CSMD2: variants seen among roughly 807,000 people sequenced by gnomAD.
CSMD2 encodes the protein CUB and Sushi multiple domains 2.
A neutral mutation model predicts 398.5 loss-of-function variants in CSMD2; 130 were observed. The ratio of observed to expected loss-of-function variants is 0.33; its 90% CI spans 0.28 to 0.38. The LOEUF is 0.38. Among genes scored for constraint, CSMD2 ranks in the 10% least tolerant of loss-of-function variants. CSMD2 has a pLI of 1.00. For missense variants in CSMD2, 3,829 were observed against 4,764.9 expected, an observed-to-expected ratio of 0.80 and a Z score of 5.78; for synonymous variants, 1,828 against 1,908.5, an observed-to-expected ratio of 0.96 and a Z score of 1.10.
rs1641254521 is a variant in CSMD2 at position 33,614,504 on chromosome 1, C to T, written c.6133G>A (p.Gly2045Arg). 6.4e-7 allele frequency: 1 copy of T among 1,574,226 alleles called. No individual in the cohort carries two copies. Among genetic ancestry groups the T allele is most frequent in the Non-Finnish European group, 8.7e-7 (1 of 1,143,664 alleles). ...TCCTCTGGGGGCTGCAGAGACTTAC[C>T]AAAGCCCACGGGCAGTGCTATTTTC... ...SWKIALPVGFGAHIQFLNFST... is the reference protein window; with the variant it reads ...SWKIALPVGFRAHIQFLNFST... Residue 2045 changes from glycine (G) to arginine (R), a missense_variant and splice_region_variant, in exon 40 of 71, where the codon GGA becomes AGA. Transcript: ENST00000373381.
chr1:33,718,231 A>G (rs1272582427), intron 19 of CSMD2, among the ~76,000 whole-genome samples: 1 of 152,230 alleles, frequency 6.6e-6, no homozygotes, highest in Non-Finnish European at 1.5e-5. Flanking sequence ...GAGAGCAGGT[A>G]GTTAAGAACA....
chr1:33,787,716 T>C (rs1653703982), intron 12 of CSMD2, among the ~76,000 whole-genome samples: 1 of 152,156 alleles, frequency 6.6e-6, no homozygotes, highest in South Asian at 2.1e-4. Context: ...AACTTGTGGA[T>C]GGCTTCTCCT....
intron 12 of CSMD2, among the ~76,000 whole-genome samples, chr1:33,780,416 C>T (rs143154382): frequency 5.2e-4 from 79 of 152,292 alleles, no homozygotes; most frequent in African/African-American, 1.8e-3. Flanking sequence ...TTTTTCTGCA[C>T]ACGATTGCCA....
rs1658391284 is a variant in CSMD2, at chr1:33,559,939, A to G, written c.8381-466T>C. 6.6e-6 allele frequency among the ~76,000 whole-genome samples: 1 copy of G among 152,222 alleles called. No homozygotes were observed. ...AGTTCAGTCACTCTGCTAGATCAAT[A>G]GCCCAGGTAAACTGGGGAAGCAGAG... On this transcript the variant is annotated intron_variant, in intron 53 of 70. Transcript: ENST00000373381. This position sits in a 1 kb window ranked among gnomAD's most constrained non-coding sequence, Gnocchi z 4.0.
At chr1:33,610,087 C>T (rs1268494840) in intron 41 of CSMD2, among the ~76,000 whole-genome samples, 1 of 152,166 alleles carries the variant, frequency 6.6e-6, no homozygotes, top group East Asian at 1.9e-4. Flanking sequence ...AATCTGCTGG[C>T]ACTGTGATCT....
intron 10 of CSMD2, among the ~76,000 whole-genome samples, chr1:33,807,508 G>A (rs1471788837): frequency 6.6e-6 from 1 of 152,092 alleles, no homozygotes; most frequent in East Asian, 1.9e-4. Flanking sequence ...CCAAAGAGAA[G>A]GACTGATATA....
chr1:33,798,668 C>T (rs1222097435), intron 10 of CSMD2, among the ~76,000 whole-genome samples: 1 of 152,176 alleles, frequency 6.6e-6, no homozygotes, highest in South Asian at 2.1e-4. Context: ...AGCTATAATT[C>T]AGTGTGAAGG....
chr1:33,678,210 A>G (rs999431781), intron 25 of CSMD2, among the ~76,000 whole-genome samples: 4 of 151,770 alleles, frequency 2.6e-5, no homozygotes, highest in Admixed American at 2.6e-4. Context: ...ATCCACCATG[A>G]GTAGAAGCTT....
At chr1:33,964,145 T>C (rs574934775) in intron 3 of CSMD2, among the ~76,000 whole-genome samples, 19 of 152,314 alleles carry the variant, frequency 1.2e-4, no homozygotes, top group African/African-American at 3.8e-4. Flanking sequence ...ATCTTTGAGA[T>C]TGAAGTGGTG....
intron 3 of CSMD2, among the ~76,000 whole-genome samples, chr1:33,964,023 G>T (rs1297939629): frequency 1.3e-5 from 2 of 152,220 alleles, no homozygotes; most frequent in Admixed American, 1.3e-4. Context: ...GTGCCATTTT[G>T]TCTTCTCACC....
At chr1:33,565,155 G>T (rs1658937977) in intron 53 of CSMD2, among the ~76,000 whole-genome samples, 1 of 152,162 alleles carries the variant, frequency 6.6e-6, no homozygotes, top group Non-Finnish European at 1.5e-5. Context: ...GAAGAGAGGA[G>T]CAGGTGAAGG....
intron 5 of CSMD2, among the ~76,000 whole-genome samples, chr1:33,908,623 C>T (rs554245695): frequency 2.6e-5 from 4 of 152,346 alleles, no homozygotes; most frequent in South Asian, 4.1e-4. Context: ...GTGCCCACTG[C>T]GACAACACCA....
At position 33,844,286 on chromosome 1, in the gene CSMD2, G is replaced by GC. The variant is rs1557991930; in HGVS notation, c.1033+2597_1033+2598insG. Among the ~76,000 whole-genome samples the GC allele has an allele frequency of 4.7e-4, 52 of 111,500 alleles. No homozygotes were observed. In the East Asian group the frequency reaches 0.012, roughly 27 times the overall value. The allele number at this position is 111,500 out of a possible 152,430, so 73.1% of individuals were successfully genotyped here. ...TTTTGGTTGTCATGACTGTGTGTGT[G>GC]TGGGGGGGCGCTGCTAATGGCTGCT... is the stretch of plus-strand genomic sequence containing the variant. On this transcript the variant is annotated intron_variant, in intron 6 of 70. Transcript: ENST00000373381.
chr1:33,979,854 G>A (rs1646101724), intron 3 of CSMD2, among the ~76,000 whole-genome samples: 1 of 152,200 alleles, frequency 6.6e-6, no homozygotes. Context: ...CCTTGGGCAA[G>A]TTCTTTAACC....
intron 44 of CSMD2, among the ~76,000 whole-genome samples, chr1:33,597,519 G>A (rs2148791500): frequency 1.3e-5 from 2 of 152,348 alleles, no homozygotes; most frequent in South Asian, 4.1e-4. Context: ...AGGAAAGGAT[G>A]CTCTGCCTCA....
At chr1:34,031,991 C>A (rs1650503975) in intron 3 of CSMD2, among the ~76,000 whole-genome samples, 1 of 151,944 alleles carries the variant, frequency 6.6e-6, no homozygotes, top group Admixed American at 6.6e-5. Context: ...ACCTTCTGAA[C>A]ATAATAAAGT....
chr1:33,661,488 A>G (rs1029847930), intron 26 of CSMD2, among the ~76,000 whole-genome samples: 2 of 152,198 alleles, frequency 1.3e-5, no homozygotes, highest in African/African-American at 4.8e-5. Context: ...TTAGCATAGC[A>G]AACGTTCTCA....
intron 5 of CSMD2, among the ~76,000 whole-genome samples, chr1:33,916,742 C>A (rs1643742390): frequency 6.6e-6 from 1 of 152,154 alleles, no homozygotes; most frequent in Admixed American, 6.5e-5. Context: ...TGGGAAGAAT[C>A]CATTCCCCCT....
At chr1:33,716,263 T>A (rs371279192) in intron 20 of CSMD2, 23 bp downstream of exon 20, 16 of 1,592,610 alleles carry the variant, frequency 1.0e-5, no homozygotes, top group Non-Finnish European at 1.4e-5. Flanking sequence ...TCTCTTCCCC[T>A]CAGGGACCCT....
Sources: allele counts gnomAD v4.1 joint callset (sites outside exome capture counted in the v4.1 genomes callset), GRCh38; gene constraint gnomAD v4.1.1; non-coding constraint Gnocchi (gnomAD v3.1); transcripts MANE v1.5; gene names NCBI Gene and HGNC (gene_info 2026-07-23, HGNC 2026-07-21).